NEDD8: variants seen among roughly 807,000 people sequenced by gnomAD.
The protein encoded by NEDD8 is NEDD8 ubiquitin like modifier.
In NEDD8, 1 loss-of-function variant was observed where a neutral mutation model predicts 13.8. The ratio of observed to expected loss-of-function variants is 0.07; its 90% CI spans 0.03 to 0.34. The LOEUF is 0.34. Among genes scored for constraint, NEDD8 ranks in the 10% least tolerant of loss-of-function variants. NEDD8 has a pLI of 0.99. For synonymous variants in NEDD8, 31 were observed against 33.2 expected (o/e 0.93, Z 0.23); for missense variants, 10 against 95.2 (o/e 0.10, Z 3.73).
At chr14:24,220,835 G>A (rs773940429) in intron 1 of NEDD8, among the ~76,000 whole-genome samples, 5 of 152,176 alleles carry the variant, frequency 3.3e-5, no homozygotes, top group Non-Finnish European at 5.9e-5. Context: ...TCTGTACTCC[G>A]TCCTACCTGA....
intron 3 of NEDD8, 38 bp from the exon 4 acceptor site, chr14:24,217,261 G>A: frequency 6.5e-7 from 1 of 1,535,914 alleles, no homozygotes. Flanking sequence ...AGAAAAAGAA[G>A]ACTTAGGAGT....
At position 24,220,094 on chromosome 14, in the gene NEDD8, G is replaced by A. The variant is rs140994489; in HGVS notation, c.19-1663C>T. Among the ~76,000 whole-genome samples the A allele has an allele frequency of 6.8e-3, 1,037 of 152,332 alleles. 5 individuals are homozygous for A. Among genetic ancestry groups the A allele is most frequent in the Non-Finnish European group, 9.6e-3 (653 of 68,030 alleles). ...GCAGAAGTTGCGGTGAGCTGAGATT[G>A]TGCCATTGCACTCCAGCAATGTATA... On this transcript the variant is annotated intron_variant, in intron 1 of 3. Coordinates refer to ENST00000250495, the MANE Select transcript of NEDD8 (RefSeq NM_006156.3).
At chr14:24,220,591 G>A (rs1309161249) in intron 1 of NEDD8, among the ~76,000 whole-genome samples, 1 of 152,178 alleles carries the variant, frequency 6.6e-6, no homozygotes, top group African/African-American at 2.4e-5. Flanking sequence ...CAAAGAGCTG[G>A]GATTACAGGC....
At position 24,232,301 on chromosome 14, in the gene NEDD8, T is replaced by C. The variant is rs756528078; in HGVS notation, c.-34A>G. The C allele has an allele frequency of 6.2e-6, 10 of 1,611,434 alleles. No individual in the cohort carries two copies. In the Admixed American group the frequency reaches 8.4e-5, roughly 14 times the overall value. On this transcript the variant is annotated 5_prime_UTR_variant, in exon 1 of 4. Coordinates refer to ENST00000250495, the MANE Select transcript of NEDD8 (RefSeq NM_006156.3). ...CAGTTTGGGGCTGCACACGGATAAA[T>C]TGCTGCTCCTACCGCTCCGGTCGCC...
chr14:24,220,790 C>A (rs2039794908), intron 1 of NEDD8, among the ~76,000 whole-genome samples: 1 of 152,166 alleles, frequency 6.6e-6, no homozygotes, highest in African/African-American at 2.4e-5. Flanking sequence ...GAGATTGGAT[C>A]CAGATTCCCT....
intron 1 of NEDD8, among the ~76,000 whole-genome samples, chr14:24,225,460 A>C (rs373054011): frequency 6.4e-4 from 98 of 152,300 alleles, no homozygotes; most frequent in African/African-American, 2.3e-3. Context: ...GTTATCTTTC[A>C]CAGAAAAACA....
At chr14:24,217,720 CA>C in intron 3 of NEDD8, 1 of 171,730 alleles carries the variant, frequency 5.8e-6, no homozygotes, top group Non-Finnish European at 1.3e-5. Flanking sequence ...AAACATAGCC[CA>C]AAAACCACAG....
At chr14:24,224,359 C>T (rs192808687) in intron 1 of NEDD8, among the ~76,000 whole-genome samples, 1 of 152,180 alleles carries the variant, frequency 6.6e-6, no homozygotes, top group Non-Finnish European at 1.5e-5. Flanking sequence ...CCACCATGCC[C>T]GGCCTGAAAA....
chr14:24,218,355 T>G, intron 2 of NEDD8, 29 bp downstream of exon 2: 2 of 1,614,178 alleles, frequency 1.2e-6, no homozygotes, highest in Non-Finnish European at 1.7e-6. Flanking sequence ...TGGCAAGAAG[T>G]ACATGAAGAG....
chr14:24,228,690 A>C (rs889664148), intron 1 of NEDD8: 1 of 148,240 alleles, frequency 6.7e-6, no homozygotes, highest in African/African-American at 2.5e-5. Flanking sequence ...CTGCACCCTA[A>C]GCCTGGGCGA....
At chr14:24,221,205 T>C (rs1347603055) in intron 1 of NEDD8, among the ~76,000 whole-genome samples, 2 of 152,184 alleles carry the variant, frequency 1.3e-5, no homozygotes, top group Admixed American at 6.5e-5. Flanking sequence ...TTTCAGAGAA[T>C]GGTGGTGACA....
chr14:24,232,317 T>C lies in NEDD8; in HGVS notation c.-50A>G. 2 of 1,568,390 alleles carry C rather than the reference T, an allele frequency of 1.3e-6. No individual in the cohort carries two copies. The highest frequency in any genetic ancestry group is 1.7e-6 in the Non-Finnish European group (2 of 1,155,766). The stretch of plus-strand genomic sequence containing the variant: ...ACGGATAAATTGCTGCTCCTACCGC[T>C]CCGGTCGCCGCTGCCGCCCTCCAGC... On this transcript the variant is annotated 5_prime_UTR_variant, in exon 1 of 4. Coordinates refer to ENST00000250495, the MANE Select transcript of NEDD8 (RefSeq NM_006156.3).
At chr14:24,217,262 A>C (rs2039718676) in intron 3 of NEDD8, 39 bp from the exon 4 acceptor site, 6 of 1,528,856 alleles carry the variant, frequency 3.9e-6, no homozygotes, top group Non-Finnish European at 4.4e-6. Flanking sequence ...GAAAAAGAAG[A>C]CTTAGGAGTT....
At chr14:24,218,275 G>C (rs2039742828) in intron 2 of NEDD8, 60 bp from the exon 3 acceptor site, 2 of 1,613,728 alleles carry the variant, frequency 1.2e-6, no homozygotes, top group Non-Finnish European at 1.7e-6. Context: ...GAAACGGAAA[G>C]AACAAGGGCT....
At chr14:24,218,906 C>T (rs2138881581) in intron 1 of NEDD8, among the ~76,000 whole-genome samples, 1 of 152,218 alleles carries the variant, frequency 6.6e-6, no homozygotes, top group Middle Eastern at 3.4e-3. Flanking sequence ...GCTACCAGGC[C>T]TGGCTAATTT....
At chr14:24,217,255 A>G (rs762014809) in intron 3 of NEDD8, 32 bp from the exon 4 acceptor site, 1 of 1,559,188 alleles carries the variant, frequency 6.4e-7, no homozygotes, top group Non-Finnish European at 8.7e-7. Context: ...AAAAAAAGAA[A>G]AAGAAGACTT....
intron 1 of NEDD8, among the ~76,000 whole-genome samples, chr14:24,222,777 A>G (rs889116812): frequency 6.6e-6 from 1 of 152,164 alleles, no homozygotes; most frequent in Non-Finnish European, 1.5e-5. Flanking sequence ...AAAATCCTGT[A>G]TTTCATATTT....
intron 1 of NEDD8, among the ~76,000 whole-genome samples, chr14:24,230,062 C>A (rs1188599578): frequency 6.6e-6 from 1 of 151,314 alleles, no homozygotes; most frequent in African/African-American, 2.4e-5. Flanking sequence ...GAGGGAGACT[C>A]CGTCTCAAAT....
chr14:24,218,108 G>A (rs756941049), intron 3 of NEDD8, 25 bp downstream of exon 3: 11 of 1,613,524 alleles, frequency 6.8e-6, no homozygotes, highest in Non-Finnish European at 9.3e-6. Flanking sequence ...AGATCGCCAT[G>A]CTGTCATTCT....
Sources: gnomAD v4.1 joint callset for allele counts (sites outside exome capture counted in the v4.1 genomes callset) on GRCh38, gnomAD v4.1.1 for gene constraint, MANE v1.5 for transcripts, NCBI Gene and HGNC (gene_info 2026-07-23, HGNC 2026-07-21) for gene names.